Variants in APIP observed in about 807,000 individuals in gnomAD.
APIP encodes methylthioribulose-1-phosphate dehydratase.
In APIP, 32 loss-of-function variants were observed where a neutral mutation model predicts 32.0. The observed-to-expected ratio is 1.00, with a 90% CI of 0.76 to 1.34. The LOEUF is 1.34. APIP is among the 40% of genes most tolerant of loss of function. The pLI is 0.00. For synonymous variants in APIP, 92 were observed against 94.8 expected, an observed-to-expected ratio of 0.97 and a Z score of 0.17; for missense variants, 247 against 298.6, an observed-to-expected ratio of 0.83 and a Z score of 1.27.
At chr11:34,914,544 T>C (rs1289281994) in intron 1 of APIP, among the ~76,000 whole-genome samples, 2 of 152,130 alleles carry the variant, frequency 1.3e-5, no homozygotes, top group African/African-American at 2.4e-5. Context: ...TTTAACTAGA[T>C]ATGCAAATCC....
chr11:34,902,512 T>C (rs1853384791), intron 1 of APIP, among the ~76,000 whole-genome samples: 2 of 152,008 alleles, frequency 1.3e-5, no homozygotes, highest in Admixed American at 6.5e-5. Context: ...GACCAGAGTA[T>C]TAGGGGAAGA....
intron 5 of APIP, 120 bp downstream of exon 5, chr11:34,888,173 G>T: frequency 1.0e-6 from 1 of 969,272 alleles, no homozygotes; most frequent in Non-Finnish European, 1.4e-6. Context: ...ATTAAATGGA[G>T]TATTATTTAA....
chr11:34,883,292 T>C (rs755631949), intron 6 of APIP, 45 bp downstream of exon 6: 3 of 1,539,992 alleles, frequency 1.9e-6, no homozygotes, highest in Non-Finnish European at 2.6e-6. Context: ...CCTTCACATT[T>C]AGCGGGTGGT....
At chr11:34,891,119 C>T (rs1332260259) in intron 2 of APIP, among the ~76,000 whole-genome samples, 2 of 152,192 alleles carry the variant, frequency 1.3e-5, no homozygotes, top group East Asian at 1.9e-4. Context: ...GAAAAGCATA[C>T]ATATCTTGGA....
chr11:34,888,486 G>T, intron 4 of APIP, 58 bp from the exon 5 acceptor site: 2 of 1,570,980 alleles, frequency 1.3e-6, no homozygotes, highest in Non-Finnish European at 1.7e-6. Flanking sequence ...AGCTTTTAAA[G>T]AAAAAAAGTC....
In APIP at chr11:34,882,769, T is replaced by G; in HGVS notation, c.677A>C (p.Lys226Thr). The change falls in exon 7 of 7, where the codon AAA (lysine) becomes ACA (threonine). Residue 226 changes from lysine to threonine, a missense_variant. By Grantham distance (78) the Lys-to-Thr change is moderately conservative. Coordinates refer to ENST00000395787, the MANE Select transcript of APIP (RefSeq NM_015957.4). ...YLFDIAVSMK[K>T]VGLDPSQLPV... is the part of the protein sequence containing the mutation. ...GAGCTGTGAAGGATCAAGTCCTACT[T>G]TCTTCATTGATACGGCAATATCAAA... The G allele has an allele frequency of 6.2e-7, 1 of 1,611,130 alleles. No individual in the cohort carries two copies. Among genetic ancestry groups the G allele is most frequent in the African/African-American group, 1.3e-5 (1 of 74,914 alleles).
intron 1 of APIP, chr11:34,915,758 G>C: frequency 5.4e-6 from 1 of 185,584 alleles, no homozygotes; most frequent in African/African-American, 2.4e-5. Flanking sequence ...CAAAGGCAAA[G>C]CGCTGGCAGC....
intron 5 of APIP, among the ~76,000 whole-genome samples, chr11:34,888,008 T>C (rs867426399): frequency 6.6e-6 from 1 of 152,154 alleles, no homozygotes; most frequent in South Asian, 2.1e-4. Context: ...GAACATAATC[T>C]TTCCATCATG....
intron 1 of APIP, among the ~76,000 whole-genome samples, chr11:34,915,432 G>T (rs921719065): frequency 1.3e-5 from 2 of 152,196 alleles, no homozygotes; most frequent in African/African-American, 2.4e-5. Context: ...CCCTAAGAAA[G>T]ATATAGATAG....
rs577031695 is a variant in APIP at position 34,883,109 on chromosome 11, A to T, written c.629+228T>A. Reference sequence around the variant, plus strand: ...AACTAGATGTCACTTTCTGAAATAGAACTTTTGTAACTTGGGATCTGTGTC... The same window carrying T: ...AACTAGATGTCACTTTCTGAAATAGTACTTTTGTAACTTGGGATCTGTGTC... On this transcript the variant is annotated intron_variant, in intron 6 of 6. Coordinates refer to ENST00000395787, the MANE Select transcript of APIP (RefSeq NM_015957.4). 1.2e-4 allele frequency among the ~76,000 whole-genome samples: 18 copies of T among 152,314 alleles called. 1 individual carries two copies. The highest frequency in any genetic ancestry group is 5.9e-4 in the Admixed American group (9 of 15,294).
intron 1 of APIP, among the ~76,000 whole-genome samples, chr11:34,912,528 G>T (rs930144466): frequency 2.0e-5 from 3 of 152,146 alleles, no homozygotes; most frequent in African/African-American, 7.2e-5. Context: ...GTCTGTGAGG[G>T]TGCTGCCAAA....
Position 34,916,246 on chromosome 11 carries a change from G to A in APIP, c.39C>T (p.Ser13=), listed in dbSNP as rs1196095824. The stretch of plus-strand genomic sequence containing the variant: ...CCCCTACCTGCGCGCCGCATCTCCG[G>A]GAACAACAGTCTCCCTCCCGAGCAT... ...GCDAREGDCC[S]RRCGAQDKEH... is the part of the protein sequence containing the mutation. Residue 13 remains serine, a synonymous_variant, in exon 1 of 7, where the codon TCC becomes TCT. Transcript: ENST00000395787. The A allele has an allele frequency of 1.9e-6, 3 of 1,612,234 alleles. No homozygotes were observed. The highest frequency in any genetic ancestry group is 1.7e-5 in the Admixed American group (1 of 59,942).
At chr11:34,896,865 T>G (rs1853281705) in intron 1 of APIP, 1 of 1,247,734 alleles carries the variant, frequency 8.0e-7, no homozygotes, top group South Asian at 1.2e-5. Context: ...ACTAGAAGCA[T>G]GAGACAAAAC....
At chr11:34,908,206 T>C (rs1038637949) in intron 1 of APIP, among the ~76,000 whole-genome samples, 2 of 152,238 alleles carry the variant, frequency 1.3e-5, no homozygotes, top group East Asian at 1.9e-4. Flanking sequence ...TGAATCTCCA[T>C]TGAACACAAC....
At chr11:34,898,867 C>T (rs1853330646) in intron 1 of APIP, among the ~76,000 whole-genome samples, 1 of 134,394 alleles carries the variant, frequency 7.4e-6, no homozygotes, top group African/African-American at 2.8e-5. Context: ...GACGTGATCT[C>T]GGCTCACTGC....
In APIP at chr11:34,898,786, G is replaced by GTTTT. The variant is rs57593563; in HGVS notation, c.58-3680_58-3677dup. Among the ~76,000 whole-genome samples, 33 of 55,202 alleles carry GTTTT rather than the reference G, an allele frequency of 6.0e-4. 2 individuals carry two copies. The highest frequency in any genetic ancestry group is 1.2e-3 in the African/African-American group (14 of 11,974). The allele number at this position is 55,202 out of a possible 152,430, so 36.2% of individuals were successfully genotyped here. On this transcript the variant is annotated intron_variant, in intron 1 of 6. Transcript: ENST00000395787. ...CGAGCACATAGTATTTCTTTCTTTG[G>GTTTT]TTTTTTTTTTTTTTTTTTTTTTTTT... is the stretch of plus-strand genomic sequence containing the variant.
chr11:34,905,465 A>G (rs1308840054), intron 1 of APIP, among the ~76,000 whole-genome samples: 1 of 152,080 alleles, frequency 6.6e-6, no homozygotes, highest in East Asian at 1.9e-4. Flanking sequence ...TGGGAGCAAC[A>G]CTCTGCTCCC....
At chr11:34,894,512 G>A (rs1302973783) in intron 2 of APIP, among the ~76,000 whole-genome samples, 2 of 150,900 alleles carry the variant, frequency 1.3e-5, no homozygotes, top group African/African-American at 2.4e-5. Flanking sequence ...AGCCAGGCGT[G>A]GTCGCACATG....
intron 1 of APIP, among the ~76,000 whole-genome samples, chr11:34,901,335 G>C (rs1212905453): frequency 6.6e-6 from 1 of 151,244 alleles, no homozygotes; most frequent in East Asian, 1.9e-4. Context: ...TCTGCCCCCA[G>C]AGACGGAGGT....
Sources: allele counts gnomAD v4.1 joint callset (sites outside exome capture counted in the v4.1 genomes callset), GRCh38; gene constraint gnomAD v4.1.1; transcripts MANE v1.5; gene names NCBI Gene and HGNC (gene_info 2026-07-23, HGNC 2026-07-21).